The following KYAT3 variants were observed in gnomAD, a reference collection of about 807,000 sequenced individuals.
KYAT3 encodes the protein kynurenine aminotransferase 3.
A neutral mutation model predicts 59.0 loss-of-function variants in KYAT3; 50 were observed. The ratio of observed to expected loss-of-function variants is 0.85; its 90% CI spans 0.68 to 1.07. The LOEUF is 1.07. Ranked by LOEUF, KYAT3 falls within the 50% of genes least tolerant of loss-of-function variation. The probability of loss-of-function intolerance (pLI) is 0.00; values close to 1 mark genes in which losing one functional copy is unlikely to be tolerated. For synonymous variants in KYAT3, 148 were observed against 177.0 expected (o/e 0.84, Z 1.30); for missense variants, 497 against 533.3 (o/e 0.93, Z 0.67).
intron 2 of KYAT3, among the ~76,000 whole-genome samples, chr1:88,985,975 G>C (rs1181875376): frequency 6.6e-6 from 1 of 151,928 alleles, no homozygotes; most frequent in Non-Finnish European, 1.5e-5. Flanking sequence ...GAGCCCAGTA[G>C]TTTGAGACCA....
At chr1:88,953,846 C>T (rs74097890) in intron 9 of KYAT3, among the ~76,000 whole-genome samples, 4,892 of 151,702 alleles carry the variant, frequency 0.032, 237 homozygotes, top group African/African-American at 0.11. Context: ...TTAAAACATA[C>T]AGACTTGATT....
downstream of KYAT3, among the ~76,000 whole-genome samples, chr1:88,931,156 ACCC>A (rs1557675078): frequency 6.6e-6 from 1 of 152,152 alleles, no homozygotes; most frequent in African/African-American, 2.4e-5. Context: ...CATTGATAGC[ACCC>A]ATCAGATGGC....
At chr1:88,941,546 T>A (rs561277301) in intron 13 of KYAT3, among the ~76,000 whole-genome samples, 270 of 147,772 alleles carry the variant, frequency 1.8e-3, no homozygotes, top group Non-Finnish European at 3.1e-3. Flanking sequence ...TTTTTTTTTA[T>A]GTCAGTGCTC....
Position 88,988,311 on chromosome 1 carries a change from T to C in KYAT3, c.40A>G (p.Arg14Gly), listed in dbSNP as rs1484736201. Residue 14 changes from arginine to glycine, a missense_variant, in exon 2 of 14, where the codon AGA becomes GGA. By Grantham distance (125) the Arg-to-Gly change is moderately radical. Around this residue, in one of 2 missense-constraint regions of KYAT3, gnomAD observed 469 missense variants for 479.1 expected, o/e 0.98. Coordinates refer to ENST00000260508, the MANE Select transcript of KYAT3 (RefSeq NM_001008661.3). Reference protein sequence around the residue: ...AQRSLCSLSGRAKFLKTISSS... With the variant: ...AQRSLCSLSGGAKFLKTISSS... ...GAAATTGTCTTCAGGAATTTTGCTC[T>C]ACCGCTAAGAGAGCAGAGGCTCCTC... 9.3e-6 allele frequency: 15 copies of C among 1,613,830 alleles called. No homozygotes were observed. Among genetic ancestry groups the C allele is most frequent in the Non-Finnish European group, 1.3e-5 (15 of 1,179,784 alleles).
chr1:88,961,158 A>G lies in KYAT3; in HGVS notation c.787+9T>C. ...ATTTAGATATGTGACTCTGTGTTATAGTTGGTACCTATTTTTAAGTGCTTA... is the reference window on the plus strand; with the variant it reads ...ATTTAGATATGTGACTCTGTGTTATGGTTGGTACCTATTTTTAAGTGCTTA... On this transcript the variant is annotated intron_variant, in intron 8 of 13. Coordinates refer to ENST00000260508, the MANE Select transcript of KYAT3 (RefSeq NM_001008661.3). 5 of 1,612,996 alleles carry G rather than the reference A, an allele frequency of 3.1e-6. No homozygotes were observed. The highest frequency in any genetic ancestry group is 4.2e-6 in the Non-Finnish European group (5 of 1,179,670).
At chr1:88,936,405 G>A (rs981271594) in intron 13 of KYAT3, among the ~76,000 whole-genome samples, 160 bp from the exon 14 acceptor site, 2 of 152,076 alleles carry the variant, frequency 1.3e-5, no homozygotes, top group Admixed American at 6.5e-5. Context: ...CCCAAAACAG[G>A]AAAACAGTTA....
At chr1:88,935,536 T>A (rs534146564), downstream of KYAT3, among the ~76,000 whole-genome samples, 75 of 152,142 alleles carry the variant, frequency 4.9e-4, no homozygotes, top group African/African-American at 1.8e-3. Context: ...TGAAGTGCAG[T>A]GGAGGTGAAC....
intron 11 of KYAT3, among the ~76,000 whole-genome samples, chr1:88,948,214 C>A (rs1453237905): frequency 6.6e-6 from 1 of 152,176 alleles, no homozygotes; most frequent in Admixed American, 6.5e-5. Context: ...ATTTCCTTTA[C>A]TCTTTCCAGC....
intron 2 of KYAT3, among the ~76,000 whole-genome samples, chr1:88,978,623 GA>G (rs1676912588): frequency 6.6e-6 from 1 of 151,920 alleles, no homozygotes; most frequent in South Asian, 2.1e-4. Context: ...CCAGCCTCCT[GA>G]GTAGCTGGGA....
rs148229727 is a variant in KYAT3, at chr1:88,975,879, A to G, written c.100-6412T>C. ...GTAAAACCCCGTCTCTACTAAAAAT[A>G]CAAAAATGAGCTAAGCGTGGTGGCA... On this transcript the variant is annotated intron_variant, in intron 2 of 13. Transcript: ENST00000260508. Among the ~76,000 whole-genome samples, 159 of 152,188 alleles carry G rather than the reference A, an allele frequency of 1.0e-3. 2 individuals are homozygous for G. In the East Asian group the frequency reaches 0.027, roughly 26 times the overall value.
In KYAT3 at chr1:88,990,852, C is replaced by CAT. The variant is rs200723667; in HGVS notation, c.-2+1731_-2+1732dup. ...GCATTTTCTAATGCAATCAACATTGCATATATATATATTCACAAATGAGAT... is the reference window on the plus strand; with the variant it reads ...GCATTTTCTAATGCAATCAACATTGCATATATATATATATTCACAAATGAGAT... On this transcript the variant is annotated intron_variant, in intron 1 of 13. Transcript: ENST00000260508. Among the ~76,000 whole-genome samples, 611 of 151,934 alleles carry CAT rather than the reference C, an allele frequency of 4.0e-3. 17 individuals are homozygous for CAT. The highest frequency in any genetic ancestry group is 1.6e-3 in the Non-Finnish European group (108 of 67,956).
At chr1:88,974,991 C>T (rs1676718484) in intron 2 of KYAT3, among the ~76,000 whole-genome samples, 3 of 152,154 alleles carry the variant, frequency 2.0e-5, no homozygotes, top group South Asian at 2.1e-4. Context: ...GGTCCCCTTC[C>T]GTGGTGTGGA....
At chr1:88,991,358 A>T (rs74100110) in intron 1 of KYAT3, among the ~76,000 whole-genome samples, 10,311 of 152,316 alleles carry the variant, frequency 0.068, 1,161 homozygotes, top group African/African-American at 0.23. Context: ...AGTCCAGAAC[A>T]TCTGGGTTAA....
chr1:88,963,875 A>G (rs745591561), intron 5 of KYAT3, among the ~76,000 whole-genome samples: 2 of 152,216 alleles, frequency 1.3e-5, no homozygotes, highest in South Asian at 4.1e-4. Flanking sequence ...TCACAGTACT[A>G]AATCGCAGAA....
At position 88,935,961 on chromosome 1, in the gene KYAT3, T is replaced by C. The variant is rs76870834; in HGVS notation, c.*222A>G. ...ATCCACTATGTTATGCTGACTCTTA[T>C]AAAATGATTGTGGAAGGTGTGTTAA... On this transcript the variant is annotated 3_prime_UTR_variant, in exon 14 of 14. Coordinates refer to ENST00000260508, the MANE Select transcript of KYAT3 (RefSeq NM_001008661.3). 1.8e-3 allele frequency: 852 copies of C among 473,564 alleles called. 17 individuals carry two copies. The East Asian group carries it at 0.02, about 11-fold the overall frequency. 29.3% of individuals were successfully genotyped at this position (473,564 alleles called of 1,614,324 possible).
At chr1:88,938,531 C>T (rs1326722761) in intron 13 of KYAT3, among the ~76,000 whole-genome samples, 1 of 152,164 alleles carries the variant, frequency 6.6e-6, no homozygotes, top group Non-Finnish European at 1.5e-5. Flanking sequence ...CTTCTCCCTC[C>T]TCCCACCCTC....
intron 8 of KYAT3, among the ~76,000 whole-genome samples, chr1:88,957,385 G>A (rs942853204): frequency 1.3e-5 from 2 of 152,022 alleles, no homozygotes; most frequent in African/African-American, 4.8e-5. Flanking sequence ...TCTAAACTAC[G>A]TATAATGCAG....
At chr1:88,955,342 C>A in intron 8 of KYAT3, 117 bp from the exon 9 acceptor site, 3 of 637,334 alleles carry the variant, frequency 4.7e-6, no homozygotes, top group Non-Finnish European at 5.3e-6. Flanking sequence ...TATAATTTAG[C>A]CAGTATAGTT....
At chr1:88,954,412 C>T (rs12068686) in intron 9 of KYAT3, among the ~76,000 whole-genome samples, 4,946 of 152,186 alleles carry the variant, frequency 0.032, 242 homozygotes, top group African/African-American at 0.11. Flanking sequence ...AAAATGAGGA[C>T]ACTAATCATA....
Sources: allele counts gnomAD v4.1 joint callset (sites outside exome capture counted in the v4.1 genomes callset), GRCh38; gene constraint gnomAD v4.1.1; regional missense constraint gnomAD v4.1.1; transcripts MANE v1.5; gene names NCBI Gene and HGNC (gene_info 2026-07-23, HGNC 2026-07-21).